KARS1: variants seen among roughly 807,000 people sequenced by gnomAD.
KARS1 encodes the protein lysine--tRNA ligase.
KARS1 carries 50 observed loss-of-function variants against 63.9 expected under a neutral mutation model. The ratio of observed to expected loss-of-function variants is 0.78; its 90% CI spans 0.62 to 0.99. KARS1 has a LOEUF of 0.99. Ranked by LOEUF, KARS1 falls within the 50% of genes least tolerant of loss-of-function variation. KARS1 has a pLI of 0.00. For missense variants in KARS1, 816 were observed against 754.5 expected (o/e 1.08, Z -0.95); for synonymous variants, 320 against 264.6 (o/e 1.21, Z -2.03).
chr16:75,629,310 T>C (rs2082084296), intron 12 of KARS1, 105 bp downstream of exon 12: 1 of 1,438,634 alleles, frequency 7.0e-7, no homozygotes, highest in Non-Finnish European at 9.8e-7. Flanking sequence ...GCTTTATCTT[T>C]CACTTCTGAA....
intron 1 of KARS1, among the ~76,000 whole-genome samples, chr16:75,645,585 G>A (rs2082271472): frequency 1.3e-5 from 2 of 152,112 alleles, no homozygotes; most frequent in Non-Finnish European, 2.9e-5. Context: ...GGTGGCTCAC[G>A]CCTATAATCC....
chr16:75,647,186 G>A (rs1011010995), intron 1 of KARS1, among the ~76,000 whole-genome samples: 2 of 152,192 alleles, frequency 1.3e-5, no homozygotes, highest in African/African-American at 4.8e-5. Context: ...TGAAAAGCTA[G>A]GGTATTTAAC....
At chr16:75,629,575 T>C (rs1180804517) in intron 11 of KARS1, 34 bp from the exon 12 acceptor site, 2 of 1,612,348 alleles carry the variant, frequency 1.2e-6, no homozygotes, top group South Asian at 1.1e-5. Flanking sequence ...AGGCTGAATA[T>C]AGAGGCCCCT....
At chr16:75,640,078 C>T (rs2082206205) in intron 3 of KARS1, 106 bp downstream of exon 3, 1 of 905,236 alleles carries the variant, frequency 1.1e-6, no homozygotes, top group African/African-American at 1.6e-5. Context: ...TAGCTTCAGA[C>T]ACAGGCTACT....
At chr16:75,643,615 G>A (rs764829163) in intron 1 of KARS1, among the ~76,000 whole-genome samples, 14 of 152,118 alleles carry the variant, frequency 9.2e-5, no homozygotes, top group African/African-American at 2.9e-4. Flanking sequence ...TCCTGACCTC[G>A]TGATCTGCCT....
At chr16:75,643,897 C>T (rs1345195394) in intron 1 of KARS1, among the ~76,000 whole-genome samples, 1 of 152,196 alleles carries the variant, frequency 6.6e-6, no homozygotes, top group Non-Finnish European at 1.5e-5. Flanking sequence ...CCAGGTGCTC[C>T]TCTTAAATCA....
chr16:75,639,798 T>A (rs965761931), intron 3 of KARS1: 1 of 173,556 alleles, frequency 5.8e-6, no homozygotes, highest in South Asian at 1.4e-4. Flanking sequence ...TTTTGTTTTT[T>A]AAATTTAGGA....
At chr16:75,640,149 TGGGAGTTCA>T (rs2082206926) in intron 3 of KARS1, 26 bp downstream of exon 3, 1 of 1,597,232 alleles carries the variant, frequency 6.3e-7, no homozygotes, top group Non-Finnish European at 8.6e-7. Flanking sequence ...CTACCTGCTG[TGGGAGTTCA>T]GTGATTTGCC....
Position 75,628,638 on chromosome 16 carries a change from G to T in KARS1, c.1626C>A (p.Pro542=). 1 of 1,614,138 alleles carries T rather than the reference G, an allele frequency of 6.2e-7. No homozygotes were observed. Among genetic ancestry groups the T allele is most frequent in the Admixed American group, 1.7e-5 (1 of 60,026 alleles). Residue 542 remains proline, a synonymous_variant, in exon 13 of 14, where the codon CCC becomes CCA. Transcript: ENST00000302445. ...TGCCCATGCCCCAGCCAGCTGTGGG[G>T]GGCAGCCCATATTCCAGGGCAGTAC... ...NFCTALEYGL[P]PTAGWGMGID...
At chr16:75,631,897 T>C in intron 7 of KARS1, 42 bp from the exon 8 acceptor site, 6 of 1,611,436 alleles carry the variant, frequency 3.7e-6, no homozygotes, top group Non-Finnish European at 5.1e-6. Context: ...GCTAATCTTT[T>C]TTTTTTTGAG....
chr16:75,634,610 C>G (rs2151804587), intron 6 of KARS1, among the ~76,000 whole-genome samples: 1 of 152,288 alleles, frequency 6.6e-6, no homozygotes, highest in South Asian at 2.1e-4. Flanking sequence ...GAGTCTTGCT[C>G]TGTTGCCCAG....
intron 6 of KARS1, 90 bp downstream of exon 6, chr16:75,635,590 C>T (rs949605041): frequency 2.8e-6 from 4 of 1,410,590 alleles, no homozygotes; most frequent in Admixed American, 1.7e-5. Flanking sequence ...GATCCTGACA[C>T]AGGATACGCT....
chr16:75,636,152 A>G, intron 4 of KARS1, 54 bp from the exon 5 acceptor site: 1 of 1,112,358 alleles, frequency 9.0e-7, no homozygotes, highest in Non-Finnish European at 1.3e-6. Flanking sequence ...AACACTGACC[A>G]CTGGTCTCCT....
At chr16:75,628,930 T>C (rs2082080500) in intron 12 of KARS1, 1 of 590,966 alleles carries the variant, frequency 1.7e-6, no homozygotes, top group South Asian at 2.0e-5. Flanking sequence ...TCAGAACACA[T>C]ACAAATTTCT....
intron 7 of KARS1, among the ~76,000 whole-genome samples, chr16:75,632,536 A>G (rs1268300704): frequency 2.0e-5 from 3 of 152,208 alleles, no homozygotes; most frequent in Non-Finnish European, 4.4e-5. Context: ...TATTGCATAG[A>G]ATTCATTCTG....
At chr16:75,636,432 A>AT (rs1427403134) in intron 4 of KARS1, 22 bp downstream of exon 4, 1 of 1,488,690 alleles carries the variant, frequency 6.7e-7, no homozygotes, top group African/African-American at 1.4e-5. Flanking sequence ...AGAAAGGTCT[A>AT]TAACTGGGTA....
At position 75,639,798 on chromosome 16, in the gene KARS1, TA is replaced by T. The variant is rs1567503251; in HGVS notation, c.388+385del. On this transcript the variant is annotated intron_variant, in intron 3 of 13. Coordinates refer to ENST00000302445, the MANE Select transcript of KARS1 (RefSeq NM_005548.3). ...GATGTGATTTTTTTTTTTTGTTTTT[TA>T]AATTTAGGAAAAGAAGATCTCACCC... 222 of 173,584 alleles carry T rather than the reference TA, an allele frequency of 1.3e-3. 7 individuals are homozygous for T. In the East Asian group the frequency reaches 0.034, roughly 27 times the overall value. 10.8% of individuals were successfully genotyped at this position (173,584 alleles called of 1,614,324 possible). A position where few individuals can be genotyped will look rare whatever the true frequency, so the allele number is the denominator to read the frequency against.
chr16:75,628,702 G>A lies in KARS1; in HGVS notation c.1562C>T (p.Ala521Val). The A allele has an allele frequency of 1.2e-6, 2 of 1,614,178 alleles. No homozygotes were observed. Among genetic ancestry groups the A allele is most frequent in the Non-Finnish European group, 1.7e-6 (2 of 1,180,016 alleles). ...LFEEQAKAKA[A>V]GDDEAMFIDE... ...TATGAACATGGCCTCATCATCACCT[G>A]CAGCCTTGGCCTAGAAGAGGAAAGA... Residue 521 changes from alanine (A) to valine (V), a missense_variant, in exon 13 of 14, where the codon GCA becomes GTA. Coordinates refer to ENST00000302445, the MANE Select transcript of KARS1 (RefSeq NM_005548.3).
intron 2 of KARS1, among the ~76,000 whole-genome samples, chr16:75,640,699 T>G (rs924643125): frequency 6.6e-6 from 1 of 152,238 alleles, no homozygotes; most frequent in African/African-American, 2.4e-5. Flanking sequence ...ACTGCTTATG[T>G]TCTTAACTAC....
Sources: allele counts gnomAD v4.1 joint callset (sites outside exome capture counted in the v4.1 genomes callset), GRCh38; gene constraint gnomAD v4.1.1; transcripts MANE v1.5; gene names NCBI Gene and HGNC (gene_info 2026-07-23, HGNC 2026-07-21).